COL5A2: variants seen among roughly 807,000 people sequenced by gnomAD.
COL5A2 encodes the protein collagen alpha-2(V) chain.
COL5A2 carries 23 observed loss-of-function variants against 208.2 expected under a neutral mutation model. The ratio of observed to expected loss-of-function variants is 0.11; its 90% CI spans 0.08 to 0.16. COL5A2 has a LOEUF of 0.16. Ranked by LOEUF, COL5A2 falls within the 10% of genes least tolerant of loss-of-function variation. The pLI, the probability that COL5A2 is intolerant of heterozygous loss-of-function variation, is 1.00. For synonymous variants in COL5A2, 625 were observed against 628.5 expected (o/e 0.99, Z 0.08); for missense variants, 1,590 against 1,956.4 (o/e 0.81, Z 3.53).
chr2:189,384,980 T>C, the COL5A2 span, among the ~76,000 whole-genome samples: 2 of 152,192 alleles, frequency 1.3e-5, no homozygotes, highest in Non-Finnish European at 2.9e-5. Context: ...TCTGATAATC[T>C]TTTTTAAGCA....
the COL5A2 span, among the ~76,000 whole-genome samples, chr2:189,293,868 A>G: frequency 1.3e-5 from 2 of 152,034 alleles, no homozygotes; most frequent in African/African-American, 2.4e-5. Context: ...GGCACATCAC[A>G]AGGTCAGGAG....
chr2:189,360,652 T>G, the COL5A2 span, among the ~76,000 whole-genome samples: 1 of 151,736 alleles, frequency 6.6e-6, no homozygotes, highest in Non-Finnish European at 1.5e-5. Flanking sequence ...GGGATACATG[T>G]GCAAGATGTG....
At chr2:189,393,538 G>A in the COL5A2 span, among the ~76,000 whole-genome samples, 1 of 152,194 alleles carries the variant, frequency 6.6e-6, no homozygotes, top group South Asian at 2.1e-4. Flanking sequence ...CATTGTCAAA[G>A]TAGTATCTGT....
At position 189,050,556 on chromosome 2, in the gene COL5A2, T is replaced by C. The variant is rs981788927; in HGVS notation, c.3039+13A>G. On this transcript the variant is annotated intron_variant, in intron 43 of 53. Transcript: ENST00000374866. ...ACATATGAGATAAAATATTGACCGATGCAGCTACTCACCGCTGGGCCTGGT... is the reference window on the plus strand; with the variant it reads ...ACATATGAGATAAAATATTGACCGACGCAGCTACTCACCGCTGGGCCTGGT... 5.2e-6 allele frequency: 8 copies of C among 1,540,282 alleles called. No homozygotes were observed. The Admixed American group carries it at 5.9e-5, about 11-fold the overall frequency.
At chr2:189,057,290 GAAAAA>G (rs34715449) in intron 34 of COL5A2, 25 bp downstream of exon 34, 120 of 710,416 alleles carry the variant, frequency 1.7e-4, no homozygotes, top group African/African-American at 1.4e-3. Context: ...TAAATGAACT[GAAAAA>G]AAAAAAAAAA....
chr2:189,410,745 T>G, the COL5A2 span, among the ~76,000 whole-genome samples: 15 of 152,082 alleles, frequency 9.9e-5, no homozygotes, highest in African/African-American at 3.6e-4. Context: ...AAAACAAAAA[T>G]TATGTGAATA....
chr2:189,293,341 A>G, the COL5A2 span, among the ~76,000 whole-genome samples: 1 of 152,110 alleles, frequency 6.6e-6, no homozygotes, highest in Admixed American at 6.6e-5. Flanking sequence ...CATGGGAGCA[A>G]TTCTCAACCG....
At chr2:189,289,307 C>T in the COL5A2 span, among the ~76,000 whole-genome samples, 2 of 151,862 alleles carry the variant, frequency 1.3e-5, no homozygotes, top group Non-Finnish European at 2.9e-5. Flanking sequence ...TGCCACTGCA[C>T]TCCAGCCTGG....
the COL5A2 span, among the ~76,000 whole-genome samples, chr2:189,386,252 G>A: frequency 1.3e-5 from 2 of 152,196 alleles, no homozygotes; most frequent in South Asian, 2.1e-4. Flanking sequence ...AATAAATGGT[G>A]CAGGAATAAC....
chr2:189,159,854 TG>T (rs1688323772), intron 1 of COL5A2, among the ~76,000 whole-genome samples: 1 of 152,066 alleles, frequency 6.6e-6, no homozygotes, highest in Non-Finnish European at 1.5e-5. Flanking sequence ...CACTCCAGCC[TG>T]GGTGGCAGAG....
the COL5A2 span, among the ~76,000 whole-genome samples, chr2:189,258,423 C>G: frequency 6.6e-6 from 1 of 152,200 alleles, no homozygotes; most frequent in African/African-American, 2.4e-5. Context: ...TGCTTTTTCC[C>G]CATAATTTTA....
the COL5A2 span, among the ~76,000 whole-genome samples, chr2:189,384,406 C>T: frequency 6.6e-6 from 1 of 152,132 alleles, no homozygotes; most frequent in Non-Finnish European, 1.5e-5. Flanking sequence ...TCCACATCCT[C>T]AGCAGAATCT....
chr2:189,296,278 G>C, the COL5A2 span, among the ~76,000 whole-genome samples: 1,060 of 151,956 alleles, frequency 7.0e-3, 11 homozygotes, highest in South Asian at 9.6e-3. Flanking sequence ...GACTTCTGTT[G>C]GTTTTTTGTT....
chr2:189,084,868 G>A (rs1686616069), intron 11 of COL5A2, among the ~76,000 whole-genome samples: 1 of 152,136 alleles, frequency 6.6e-6, no homozygotes, highest in South Asian at 2.1e-4. Context: ...GTTCCACTAG[G>A]AAAAGTTGTT....
intron 51 of COL5A2, among the ~76,000 whole-genome samples, chr2:189,038,026 T>C (rs948322123): frequency 1.3e-5 from 2 of 151,820 alleles, no homozygotes; most frequent in African/African-American, 4.8e-5. Flanking sequence ...TTATAGTACA[T>C]TTTTTTTAAA....
chr2:189,052,877 T>C (rs1414488569), intron 39 of COL5A2, 34 bp downstream of exon 39: 1 of 1,611,838 alleles, frequency 6.2e-7, no homozygotes, highest in Non-Finnish European at 8.5e-7. Flanking sequence ...ATGGGGCACT[T>C]GACTCAAGTT....
the COL5A2 span, among the ~76,000 whole-genome samples, chr2:189,390,248 C>T: frequency 6.6e-6 from 1 of 152,048 alleles, no homozygotes; most frequent in Non-Finnish European, 1.5e-5. Context: ...AGCATATGCC[C>T]AGATGGTTTG....
At chr2:189,138,757 AG>A (rs1450356963) in intron 1 of COL5A2, among the ~76,000 whole-genome samples, 1 of 152,232 alleles carries the variant, frequency 6.6e-6, no homozygotes, top group African/African-American at 2.4e-5. Flanking sequence ...GATATATCAA[AG>A]GGACACAGAA....
chr2:189,054,292 A>T, intron 35 of COL5A2, 80 bp from the exon 36 acceptor site: 2 of 1,027,016 alleles, frequency 1.9e-6, no homozygotes, highest in Non-Finnish European at 3.0e-6. Context: ...ACAAACAAAA[A>T]AGAAACGACT....
Sources: gnomAD v4.1 joint callset for allele counts (sites outside exome capture counted in the v4.1 genomes callset) on GRCh38, gnomAD v4.1.1 for gene constraint, MANE v1.5 for transcripts, NCBI Gene and HGNC (gene_info 2026-07-23, HGNC 2026-07-21) for gene names.